The following ANKRD12 variants were observed in gnomAD, a reference collection of about 807,000 sequenced individuals.
The protein encoded by ANKRD12 is ankyrin repeat domain-containing protein 12.
ANKRD12 carries 85 observed loss-of-function variants against 183.4 expected under a neutral mutation model. The observed-to-expected ratio is 0.46, with a 90% confidence interval of 0.39 to 0.56. The LOEUF (loss-of-function observed/expected upper bound fraction) is 0.56, where lower values mean the gene tolerates loss of function less well. Ranked by LOEUF, ANKRD12 falls within the 20% of genes least tolerant of loss-of-function variation. The probability of loss-of-function intolerance (pLI) is 0.00; values close to 1 mark genes in which losing one functional copy is unlikely to be tolerated. For synonymous variants in ANKRD12, 914 were observed against 800.2 expected, an observed-to-expected ratio of 1.14 and a Z score of -2.40; for missense variants, 2,405 against 2,357.1, an observed-to-expected ratio of 1.02 and a Z score of -0.42.
At chr18:9,198,694 C>T (rs942102715) in intron 3 of ANKRD12, among the ~76,000 whole-genome samples, 6 of 151,918 alleles carry the variant, frequency 3.9e-5, no homozygotes, top group Non-Finnish European at 5.9e-5. Context: ...GGATTACAGG[C>T]GCCTGCCACG....
chr18:9,180,718 G>T (rs1226023262), intron 1 of ANKRD12, among the ~76,000 whole-genome samples: 1 of 152,104 alleles, frequency 6.6e-6, no homozygotes, highest in Non-Finnish European at 1.5e-5. Context: ...ATCCAATTGT[G>T]ATTTTTATTG....
intron 8 of ANKRD12, among the ~76,000 whole-genome samples, chr18:9,243,651 T>G (rs1048902224): frequency 6.6e-6 from 1 of 152,304 alleles, no homozygotes; most frequent in African/African-American, 2.4e-5. Flanking sequence ...AATATATGAT[T>G]ACTAAAGTAA....
intron 9 of ANKRD12, chr18:9,259,823 C>G (rs1217108283): frequency 6.6e-6 from 1 of 152,148 alleles, no homozygotes; most frequent in Non-Finnish European, 1.5e-5. Flanking sequence ...TTTCCCATCT[C>G]TGATCCTTAG....
In ANKRD12 at chr18:9,177,636, TG is replaced by T. The variant is rs559404544; in HGVS notation, c.-51-4745del. Among the ~76,000 whole-genome samples the T allele has an allele frequency of 6.3e-3, 965 of 152,300 alleles. 7 individuals are homozygous for T. Among genetic ancestry groups the T allele is most frequent in the Middle Eastern group, 0.017 (5 of 294 alleles). On this transcript the variant is annotated intron_variant, in intron 1 of 12. Transcript: ENST00000262126. ...TATTTTGAAATATATGACCTATTGTTGTTAATTATAGTCACCCTACTGTGCT... is the reference window on the plus strand; with the variant it reads ...TATTTTGAAATATATGACCTATTGTTTTAATTATAGTCACCCTACTGTGCT...
Position 9,257,766 on chromosome 18 carries a change from C to T in ANKRD12, c.4499C>T (p.Ser1500Leu). ...TGCTCTTTCCCCAGCCAATCACTTT[C>T]AGATGCTGAATCGATTTCTAAACAT... ...QPCSFPSQSL[S>L]DAESISKHMS... Residue 1500 changes from serine (S) to leucine (L), a missense_variant, in exon 9 of 13, where the codon TCA becomes TTA. This residue lies in a region of ANKRD12 where 1,983 missense variants were observed against 1,725.9 expected (regional missense o/e 1.15). Transcript: ENST00000262126. The T allele has an allele frequency of 6.2e-7, 1 of 1,614,080 alleles. No homozygotes were observed. The highest frequency in any genetic ancestry group is 8.5e-7 in the Non-Finnish European group (1 of 1,180,000).
At chr18:9,265,376 C>T (rs1279043701) in intron 10 of ANKRD12, among the ~76,000 whole-genome samples, 1 of 152,236 alleles carries the variant, frequency 6.6e-6, no homozygotes, top group Non-Finnish European at 1.5e-5. Flanking sequence ...GGCACCCCCC[C>T]AGTAGGTGCA....
intron 10 of ANKRD12, among the ~76,000 whole-genome samples, chr18:9,271,965 A>G (rs1237835191): frequency 3.3e-5 from 5 of 152,208 alleles, no homozygotes; most frequent in Admixed American, 2.6e-4. Context: ...TTTTCCCCAC[A>G]GAAAATGGTA....
intron 10 of ANKRD12, among the ~76,000 whole-genome samples, chr18:9,267,717 G>A (rs988395280): frequency 6.6e-6 from 1 of 152,046 alleles, no homozygotes; most frequent in Non-Finnish European, 1.5e-5. Flanking sequence ...AAGAACTAGA[G>A]AAGCAAGAGC....
chr18:9,212,556 C>A (rs1001637657), intron 6 of ANKRD12, among the ~76,000 whole-genome samples: 1 of 151,782 alleles, frequency 6.6e-6, no homozygotes, highest in African/African-American at 2.4e-5. Flanking sequence ...TATAGCATTC[C>A]GTAGGCAACA....
chr18:9,232,972 C>T (rs908432022), intron 8 of ANKRD12, among the ~76,000 whole-genome samples: 1 of 152,040 alleles, frequency 6.6e-6, no homozygotes, highest in Non-Finnish European at 1.5e-5. Context: ...GCCTCAGCCT[C>T]CCGAGTAGCT....
chr18:9,167,102 C>G (rs1291272238), intron 1 of ANKRD12, among the ~76,000 whole-genome samples: 7 of 152,136 alleles, frequency 4.6e-5, no homozygotes, highest in African/African-American at 1.4e-4. Flanking sequence ...CAGTACCATG[C>G]TGTTTTGGTT....
At chr18:9,151,184 G>A (rs956585462) in intron 1 of ANKRD12, among the ~76,000 whole-genome samples, 3 of 152,116 alleles carry the variant, frequency 2.0e-5, no homozygotes, top group Admixed American at 2.0e-4. Flanking sequence ...TATCTCAGAA[G>A]CACAACTATT....
At chr18:9,252,548 A>G (rs192981889) in intron 8 of ANKRD12, among the ~76,000 whole-genome samples, 3 of 152,392 alleles carry the variant, frequency 2.0e-5, no homozygotes, top group Admixed American at 2.0e-4. Flanking sequence ...GGCATCTTTT[A>G]AAAGAACCAT....
chr18:9,275,692 G>T (rs1462159469), intron 11 of ANKRD12, 25 bp downstream of exon 11: 1 of 1,514,088 alleles, frequency 6.6e-7, no homozygotes, highest in East Asian at 2.3e-5. Context: ...GATACATTTA[G>T]AAGTAATGGT....
intron 6 of ANKRD12, among the ~76,000 whole-genome samples, chr18:9,214,232 T>C (rs1022020723): frequency 2.6e-5 from 4 of 152,062 alleles, no homozygotes; most frequent in Non-Finnish European, 4.4e-5. Context: ...CTTACTACCA[T>C]AAAATATACA....
At chr18:9,222,590 G>C (rs2036483214) in intron 8 of ANKRD12, among the ~76,000 whole-genome samples, 1 of 151,622 alleles carries the variant, frequency 6.6e-6, no homozygotes, top group Non-Finnish European at 1.5e-5. Context: ...CAGTGAAAAA[G>C]AGTTTCATCA....
rs535640427 is a variant in ANKRD12 at position 9,266,163 on chromosome 18, G to A, written c.5763+2275G>A. 5.9e-5 allele frequency among the ~76,000 whole-genome samples: 9 copies of A among 152,324 alleles called. No individual in the cohort carries two copies. The South Asian group carries it at 1.9e-3, about 32-fold the overall frequency. ...GATTGGTGTACCTGAAAGTGACGGG[G>A]AGAATGGAACCAAGTTGGAAAACAC... On this transcript the variant is annotated intron_variant, in intron 10 of 12. Coordinates refer to ENST00000262126, the MANE Select transcript of ANKRD12 (RefSeq NM_015208.5).
At chr18:9,208,260 G>A (rs1166948456) in intron 4 of ANKRD12, among the ~76,000 whole-genome samples, 2 of 152,152 alleles carry the variant, frequency 1.3e-5, no homozygotes, top group African/African-American at 2.4e-5. Flanking sequence ...ATTTGAAGGA[G>A]CATTGCTATA....
At chr18:9,140,919 C>A (rs2078291475) in intron 1 of ANKRD12, among the ~76,000 whole-genome samples, 1 of 152,078 alleles carries the variant, frequency 6.6e-6, no homozygotes, top group Admixed American at 6.5e-5. Flanking sequence ...TTCATAATAA[C>A]CTTGTAAAAC....
Sources: allele counts gnomAD v4.1 joint callset (sites outside exome capture counted in the v4.1 genomes callset), GRCh38; gene constraint gnomAD v4.1.1; regional missense constraint gnomAD v4.1.1; transcripts MANE v1.5; gene names NCBI Gene and HGNC (gene_info 2026-07-23, HGNC 2026-07-21).